The following PDE7B variants were observed in gnomAD, a reference collection of about 807,000 sequenced individuals.
The protein encoded by PDE7B is 3',5'-cyclic-AMP phosphodiesterase 7B.
PDE7B carries 29 observed loss-of-function variants against 56.2 expected under a neutral mutation model. The observed-to-expected ratio is 0.52, with a 90% CI of 0.38 to 0.70. PDE7B has a LOEUF of 0.70. PDE7B is among the 30% of genes least tolerant of loss of function. The probability of loss-of-function intolerance (pLI) is 0.00; values close to 1 mark genes in which losing one functional copy is unlikely to be tolerated. For missense variants in PDE7B, 490 were observed against 565.0 expected, an observed-to-expected ratio of 0.87 and a Z score of 1.35; for synonymous variants, 197 against 196.9, an observed-to-expected ratio of 1.00 and a Z score of 0.00.
chr6:136,167,413 GATA>G (rs1778811967), intron 8 of PDE7B, among the ~76,000 whole-genome samples: 1 of 152,094 alleles, frequency 6.6e-6, no homozygotes, highest in Non-Finnish European at 1.5e-5. Flanking sequence ...CCCTTCTTGT[GATA>G]ATAAGTCTCA....
In PDE7B at chr6:136,147,356, A is replaced by T; in HGVS notation, c.172A>T (p.Thr58Ser). ...FIDFRLLNST[T>S]YSGEIGTKKK... ...GACTTGATGACTTTCCACAGGTACA[A>T]CATACTCAGGGGAGATTGGCACCAA... is the stretch of plus-strand genomic sequence containing the variant. Residue 58 changes from threonine (T) to serine (S), a missense_variant, in exon 4 of 13, where the codon ACA becomes TCA. Coordinates refer to ENST00000308191, the MANE Select transcript of PDE7B (RefSeq NM_018945.4). The T allele has an allele frequency of 6.2e-7, 1 of 1,610,750 alleles. No homozygotes were observed. The highest frequency in any genetic ancestry group is 1.3e-5 in the African/African-American group (1 of 74,982).
intron 2 of PDE7B, among the ~76,000 whole-genome samples, chr6:136,075,807 G>A (rs1777118748): frequency 6.6e-6 from 1 of 152,132 alleles, no homozygotes; most frequent in South Asian, 2.1e-4. Flanking sequence ...GCCTCAAGAG[G>A]AGGTACGGCT....
chr6:135,957,274 G>C (rs1774813934), intron 2 of PDE7B, among the ~76,000 whole-genome samples: 1 of 151,994 alleles, frequency 6.6e-6, no homozygotes, highest in Admixed American at 6.6e-5. Context: ...TACAGAACTA[G>C]GTTAATTCAA....
Position 136,195,363 on chromosome 6 carries a change from G to A in PDE7B, c.*3523G>A, listed in dbSNP as rs1275861960. 2 of 145,888 alleles carry A rather than the reference G, an allele frequency of 1.4e-5. No homozygotes were observed. Among genetic ancestry groups the A allele is most frequent in the South Asian group, 2.2e-4 (1 of 4,612 alleles). The allele number at this position is 145,888 out of a possible 1,614,324, so 9.0% of individuals were successfully genotyped here. On this transcript the variant is annotated 3_prime_UTR_variant, in exon 13 of 13. Transcript: ENST00000308191. ...AGATCTGCTTACTTATTTAGGTTTG[G>A]TTATGAGCTTGTATCTCACTGTATT...
At chr6:136,111,570 C>T (rs1280645386) in intron 3 of PDE7B, among the ~76,000 whole-genome samples, 1 of 152,232 alleles carries the variant, frequency 6.6e-6, no homozygotes, top group Non-Finnish European at 1.5e-5. Context: ...GATGTATGAA[C>T]ATCTGTGTTA....
At chr6:136,056,173 T>C (rs1776726884) in intron 2 of PDE7B, among the ~76,000 whole-genome samples, 1 of 152,180 alleles carries the variant, frequency 6.6e-6, no homozygotes, top group Non-Finnish European at 1.5e-5. Context: ...GCTGCTCCTA[T>C]TCCTGACAGC....
intron 1 of PDE7B, among the ~76,000 whole-genome samples, chr6:135,888,680 AAAT>A (rs1227628417): frequency 6.6e-6 from 1 of 151,716 alleles, no homozygotes; most frequent in Non-Finnish European, 1.5e-5. Flanking sequence ...GTAGTATAAA[AAAT>A]AAATATTATA....
intron 2 of PDE7B, among the ~76,000 whole-genome samples, chr6:136,088,647 TTGCTTAG>T (rs1415613323): frequency 6.6e-6 from 1 of 152,116 alleles, no homozygotes; most frequent in Non-Finnish European, 1.5e-5. Flanking sequence ...AGAATAGCAG[TTGCTTAG>T]GGCTTAGGAC....
chr6:136,058,252 C>G (rs1235027144), intron 2 of PDE7B, among the ~76,000 whole-genome samples: 2 of 152,120 alleles, frequency 1.3e-5, no homozygotes, highest in Non-Finnish European at 2.9e-5. Context: ...GGGTCAAGGT[C>G]TTCCAGTTAT....
intron 3 of PDE7B, among the ~76,000 whole-genome samples, chr6:136,120,581 T>G (rs1454170450): frequency 1.3e-5 from 2 of 151,300 alleles, no homozygotes. Flanking sequence ...ACGCAGGGGG[T>G]TTGGTAGGTT....
intron 2 of PDE7B, among the ~76,000 whole-genome samples, chr6:135,953,626 G>T (rs1029750575): frequency 6.6e-6 from 1 of 152,004 alleles, no homozygotes; most frequent in Non-Finnish European, 1.5e-5. Context: ...CTAAGTCCTT[G>T]CACTTCATTT....
chr6:135,899,302 G>A (rs148412572), intron 1 of PDE7B, among the ~76,000 whole-genome samples: 21 of 151,778 alleles, frequency 1.4e-4, no homozygotes, highest in African/African-American at 3.9e-4. Flanking sequence ...ATAATAAGAC[G>A]GCCATTTTTC....
At chr6:136,149,391 A>G (rs1778474087) in intron 5 of PDE7B, among the ~76,000 whole-genome samples, 1 of 152,200 alleles carries the variant, frequency 6.6e-6, no homozygotes, top group African/African-American at 2.4e-5. Flanking sequence ...ATCCCAGAGG[A>G]ATTTAGAAAC....
At position 136,068,691 on chromosome 6, in the gene PDE7B, A is replaced by G. The variant is rs569506538; in HGVS notation, c.83-40040A>G. 5.3e-4 allele frequency among the ~76,000 whole-genome samples: 81 copies of G among 152,160 alleles called. 1 individual carries two copies. In the Middle Eastern group the frequency reaches 0.01, roughly 19 times the overall value. ...TGTGATCCACCCGCCTCGGCCTCCC[A>G]AAGTGCTGGGATTACAGGCGTGAGC... On this transcript the variant is annotated intron_variant, in intron 2 of 12. Coordinates refer to ENST00000308191, the MANE Select transcript of PDE7B (RefSeq NM_018945.4).
rs191016535 is a variant in PDE7B, at chr6:135,989,698, G to A, written c.82+42174G>A. Among the ~76,000 whole-genome samples the A allele has an allele frequency of 7.1e-3, 1,077 of 152,210 alleles. 6 individuals carry two copies. The highest frequency in any genetic ancestry group is 9.5e-3 in the Non-Finnish European group (644 of 68,022). ...TCAGGGAAATATTAACTCAGTTGAT[G>A]AAATATATGAAAATATATCAATCAA... is the stretch of plus-strand genomic sequence containing the variant. On this transcript the variant is annotated intron_variant, in intron 2 of 12. Coordinates refer to ENST00000308191, the MANE Select transcript of PDE7B (RefSeq NM_018945.4).
At chr6:135,985,967 C>T (rs994878297) in intron 2 of PDE7B, among the ~76,000 whole-genome samples, 10 of 152,106 alleles carry the variant, frequency 6.6e-5, no homozygotes, top group South Asian at 2.1e-4. Context: ...GCTCCCAGCC[C>T]GCTGCTAATA....
chr6:136,031,658 G>A (rs986103125), intron 2 of PDE7B, among the ~76,000 whole-genome samples: 274 of 145,920 alleles, frequency 1.9e-3, no homozygotes, highest in African/African-American at 6.8e-3. Context: ...AGAATGGCGT[G>A]AACCCGGGAG....
chr6:135,868,833 A>G (rs1195495593), intron 1 of PDE7B, among the ~76,000 whole-genome samples: 1 of 152,232 alleles, frequency 6.6e-6, no homozygotes, highest in South Asian at 2.1e-4. Flanking sequence ...AATTTTAGGC[A>G]CAATATTTTA....
intron 2 of PDE7B, among the ~76,000 whole-genome samples, chr6:135,960,499 C>T (rs920959398): frequency 1.3e-5 from 2 of 152,146 alleles, no homozygotes; most frequent in African/African-American, 4.8e-5. Flanking sequence ...TGATGTGCCT[C>T]AACAATTGAA....
Sources: gnomAD v4.1 joint callset for allele counts (sites outside exome capture counted in the v4.1 genomes callset) on GRCh38, gnomAD v4.1.1 for gene constraint, MANE v1.5 for transcripts, NCBI Gene and HGNC (gene_info 2026-07-23, HGNC 2026-07-21) for gene names.